The following NLRP4 variants were observed in gnomAD, a reference collection of about 807,000 sequenced individuals.
The protein encoded by NLRP4 is NLR family pyrin domain containing 4, also known as NACHT, LRR and PYD domains-containing protein 4.
NLRP4 carries 44 observed loss-of-function variants against 84.7 expected under a neutral mutation model. The observed-to-expected ratio is 0.52, with a 90% CI of 0.41 to 0.67. NLRP4 has a LOEUF of 0.67. Ranked by LOEUF, NLRP4 falls within the 30% of genes least tolerant of loss-of-function variation. NLRP4 has a pLI of 0.00. For missense variants in NLRP4, 1,260 were observed against 1,219.4 expected (o/e 1.03, Z -0.50); for synonymous variants, 544 against 476.4 (o/e 1.14, Z -1.85).
intron 5 of NLRP4, among the ~76,000 whole-genome samples, chr19:55,865,948 T>A (rs1984937957): frequency 6.6e-6 from 1 of 152,220 alleles, no homozygotes; most frequent in African/African-American, 2.4e-5. Flanking sequence ...ATTTTTTTCT[T>A]TTGTCTCATG....
chr19:55,844,844 T>C (rs1017463255), intron 1 of NLRP4, among the ~76,000 whole-genome samples: 1 of 152,072 alleles, frequency 6.6e-6, no homozygotes, highest in Non-Finnish European at 1.5e-5. Context: ...CTGGTGATTT[T>C]TGTGGTGGTA....
intron 7 of NLRP4, among the ~76,000 whole-genome samples, chr19:55,872,191 T>C (rs981580052): frequency 2.0e-5 from 3 of 152,068 alleles, no homozygotes; most frequent in African/African-American, 7.2e-5. Context: ...AGATAGCACT[T>C]AAGGCTATCC....
chr19:55,867,527 A>G (rs549841510), intron 5 of NLRP4, among the ~76,000 whole-genome samples, 182 bp from the exon 6 acceptor site: 3 of 150,408 alleles, frequency 2.0e-5, no homozygotes, highest in Middle Eastern at 3.4e-3. Flanking sequence ...GAGACTGTGC[A>G]TCTCAGGTTG....
At position 55,858,684 on chromosome 19, in the gene NLRP4, G is replaced by A. The variant is rs1402152687; in HGVS notation, c.1291G>A (p.Ala431Thr). The change falls in exon 3 of 10, where the codon GCG (alanine) becomes ACG (threonine). Residue 431 changes from alanine (A) to threonine (T), a missense_variant. By Grantham distance (58) the Ala-to-Thr change is moderately conservative. Coordinates refer to ENST00000301295, the MANE Select transcript of NLRP4 (RefSeq NM_134444.5). The surrounding 1 kb of genome is among the most constrained non-coding windows in gnomAD (Gnocchi z 4.2). ...RNGVVDADIP[A>T]LLGTKILLKY... ...TGGGGTTGTTGACGCTGACATCCCT[G>A]CGCTGCTGGGCACCAAGATACTTCT... The A allele has an allele frequency of 1.6e-5, 26 of 1,614,148 alleles. No homozygotes were observed. The highest frequency in any genetic ancestry group is 2.2e-5 in the Non-Finnish European group (26 of 1,180,018).
intron 1 of NLRP4, among the ~76,000 whole-genome samples, chr19:55,838,538 C>G (rs1281561861): frequency 2.0e-5 from 3 of 151,934 alleles, no homozygotes; most frequent in African/African-American, 7.3e-5. Flanking sequence ...TTTAAGTTAC[C>G]TAGTTTGTGG....
chr19:55,857,462 A>G (rs752833380), intron 2 of NLRP4: 10 of 579,328 alleles, frequency 1.7e-5, no homozygotes, highest in South Asian at 1.4e-4. Flanking sequence ...CAGCTCTGCT[A>G]TTCAATCAGG....
chr19:55,859,937 AAAAAAAAAAAAAAAAC>A (rs1760977387), intron 3 of NLRP4, among the ~76,000 whole-genome samples: 2 of 129,460 alleles, frequency 1.5e-5, no homozygotes, highest in African/African-American at 3.1e-5. Flanking sequence ...AAAAAAAAAA[AAAAAAAAAAAAAAAAC>A]AAAACACAAA....
At position 55,850,592 on chromosome 19, in the gene NLRP4, T is replaced by A. The variant is rs372696556; in HGVS notation, c.-65-1424T>A. On this transcript the variant is annotated intron_variant, in intron 1 of 9. Coordinates refer to ENST00000301295, the MANE Select transcript of NLRP4 (RefSeq NM_134444.5). ...GTCCGTGGCTGCGGTGTAATTTCCG[T>A]GGCTGCGGTGTAATTTACGAGGCTG... Among the ~76,000 whole-genome samples the A allele has an allele frequency of 1.0e-3, 69 of 66,094 alleles. 1 individual carries two copies. Among genetic ancestry groups the A allele is most frequent in the African/African-American group, 2.9e-3 (18 of 6,192 alleles). 43.4% of individuals were successfully genotyped at this position (66,094 alleles called of 152,430 possible).
intron 2 of NLRP4, among the ~76,000 whole-genome samples, chr19:55,852,974 T>C (rs1472604403): frequency 6.6e-6 from 1 of 152,238 alleles, no homozygotes; most frequent in Non-Finnish European, 1.5e-5. Flanking sequence ...ACTATGCACC[T>C]GACTTATTTG....
chr19:55,840,344 A>ATGTG (rs762148583), intron 1 of NLRP4, among the ~76,000 whole-genome samples: 11,781 of 119,520 alleles, frequency 0.099, 539 homozygotes, highest in Non-Finnish European at 0.13. Context: ...GTGTATGTGT[A>ATGTG]TGTGTGTGTG....
chr19:55,838,138 G>A (rs1346975298), intron 1 of NLRP4, among the ~76,000 whole-genome samples: 3 of 147,368 alleles, frequency 2.0e-5, no homozygotes, highest in Non-Finnish European at 4.5e-5. Flanking sequence ...GACCAACATG[G>A]TGAAATACAA....
chr19:55,860,054 T>C (rs188444209), intron 3 of NLRP4, among the ~76,000 whole-genome samples: 1,677 of 150,352 alleles, frequency 0.011, 34 homozygotes, highest in African/African-American at 0.038. Flanking sequence ...GGCGAGATCT[T>C]GGCTCACTGC....
Position 55,856,653 on chromosome 19 carries a change from C to G in NLRP4, c.281-1021C>G, listed in dbSNP as rs541030719. ...GCCTCAGCCTCCCAAGTAGCTGGGA[C>G]TACAGGCACACACCACCACGCCCGG... On this transcript the variant is annotated intron_variant, in intron 2 of 9. Transcript: ENST00000301295. Among the ~76,000 whole-genome samples the G allele has an allele frequency of 4.5e-4, 68 of 150,842 alleles. 2 individuals are homozygous for G. The South Asian group carries it at 0.013, about 30-fold the overall frequency.
Position 55,859,239 on chromosome 19 carries a change from C to A in NLRP4, c.1846C>A (p.His616Asn). Residue 616 changes from histidine to asparagine, a missense_variant, in exon 3 of 10, where the codon CAC (histidine) becomes AAC (asparagine). Physicochemically the swap from His to Asn is moderately conservative, Grantham distance 68. Around this residue, in one of 3 missense-constraint regions of NLRP4, gnomAD observed 544 missense variants for 531.7 expected, o/e 1.02. Coordinates refer to ENST00000301295, the MANE Select transcript of NLRP4 (RefSeq NM_134444.5). ...AAATGTCTTTAAGAAAGAGGATGAA[C>A]ACAGCTCTACGTGAGTCCATCCTAT... ...VQNVFKKEDEHSSTSDYSLIC... is the reference protein window; with the variant it reads ...VQNVFKKEDENSSTSDYSLIC... The A allele has an allele frequency of 6.2e-7, 1 of 1,601,760 alleles. No individual in the cohort carries two copies.
chr19:55,851,210 C>T (rs1984119284), intron 1 of NLRP4, among the ~76,000 whole-genome samples: 1 of 20,876 alleles, frequency 4.8e-5, no homozygotes, highest in Admixed American at 4.4e-4. Flanking sequence ...GTGTAATGTC[C>T]GTGGCTGCGG....
Position 55,870,877 on chromosome 19 carries a change from T to G in NLRP4, c.2405T>G (p.Met802Arg), listed in dbSNP as rs1276442047. 6.2e-7 allele frequency: 1 copy of G among 1,614,048 alleles called. No homozygotes were observed. Among genetic ancestry groups the G allele is most frequent in the Non-Finnish European group, 8.5e-7 (1 of 1,179,992 alleles). The change falls in exon 7 of 10, where the codon ATG becomes AGG. Residue 802 changes from methionine (M) to arginine (R), a missense_variant. Around this residue, in one of 3 missense-constraint regions of NLRP4, gnomAD observed 544 missense variants for 531.7 expected, o/e 1.02. Coordinates refer to ENST00000301295, the MANE Select transcript of NLRP4 (RefSeq NM_134444.5). The stretch of plus-strand genomic sequence containing the variant: ...CAGTGCTGCGAATACATCTCTGAAA[T>G]GCTTCTGCGTAACAAGAGCGTGCGC... ...SEQCCEYISEMLLRNKSVRYL... is the reference protein window; with the variant it reads ...SEQCCEYISERLLRNKSVRYL...
chr19:55,842,864 G>A (rs1452731158), intron 1 of NLRP4, among the ~76,000 whole-genome samples: 4 of 151,882 alleles, frequency 2.6e-5, no homozygotes, highest in African/African-American at 4.8e-5. Flanking sequence ...GGTTCACGCC[G>A]TTCTCCTGCC....
chr19:55,876,190 C>T (rs778559598), intron 7 of NLRP4, among the ~76,000 whole-genome samples: 2 of 152,226 alleles, frequency 1.3e-5, no homozygotes, highest in East Asian at 1.9e-4. Context: ...GTTCAGATGT[C>T]GCATCATGGA....
At chr19:55,871,843 AATCTTT>A (rs1568672960) in intron 7 of NLRP4, among the ~76,000 whole-genome samples, 3 of 137,700 alleles carry the variant, frequency 2.2e-5, no homozygotes, top group Non-Finnish European at 4.7e-5. Flanking sequence ...AAACAGAAAT[AATCTTT>A]TTTTTTTTTT....
Sources: allele counts gnomAD v4.1 joint callset (sites outside exome capture counted in the v4.1 genomes callset), GRCh38; gene constraint gnomAD v4.1.1; regional missense constraint gnomAD v4.1.1; non-coding constraint Gnocchi (gnomAD v3.1); transcripts MANE v1.5; gene names NCBI Gene and HGNC (gene_info 2026-07-23, HGNC 2026-07-21).